TRAP1: variants seen among roughly 807,000 people sequenced by gnomAD.
TRAP1 encodes TNF receptor associated protein 1, also known as heat shock protein 75 kDa, mitochondrial.
A neutral mutation model predicts 89.1 loss-of-function variants in TRAP1; 102 were observed. That is an observed-to-expected ratio of 1.15 (90% CI 0.98 to 1.35). TRAP1 has a LOEUF of 1.35. Among genes scored for constraint, TRAP1 ranks in the 40% most tolerant of loss-of-function variants. The probability of loss-of-function intolerance (pLI) is 0.00; values close to 1 mark genes in which losing one functional copy is unlikely to be tolerated. For missense variants in TRAP1, 1,256 were observed against 945.3 expected (o/e 1.33, Z -4.31); for synonymous variants, 508 against 388.0 (o/e 1.31, Z -3.64).
rs368934280 is a variant in TRAP1 at position 3,689,508 on chromosome 16, A to G, written c.248-371T>C. On this transcript the variant is annotated intron_variant, in intron 2 of 17. Transcript: ENST00000246957. ...ATTGGCCCGCCTCGGCCTCCCACACATTTAAGATCATGAACAAAAAGAAAG... is the reference window on the plus strand; with the variant it reads ...ATTGGCCCGCCTCGGCCTCCCACACGTTTAAGATCATGAACAAAAAGAAAG... Among the ~76,000 whole-genome samples, 28 of 152,168 alleles carry G rather than the reference A, an allele frequency of 1.8e-4. No individual in the cohort carries two copies. In the South Asian group the frequency reaches 5.4e-3, roughly 29 times the overall value.
At chr16:3,702,358 G>C (rs1639151) in intron 1 of TRAP1, among the ~76,000 whole-genome samples, 7,589 of 151,842 alleles carry the variant, frequency 0.05, 780 homozygotes, top group African/African-American at 0.17. Context: ...CGAGGTACAA[G>C]GTGAGAGCCA....
chr16:3,683,526 C>T (rs1026814290), intron 4 of TRAP1, among the ~76,000 whole-genome samples: 4 of 151,718 alleles, frequency 2.6e-5, no homozygotes, highest in Admixed American at 6.6e-5. Flanking sequence ...GCTGGGATTA[C>T]AGGTGCACAC....
At chr16:3,686,706 C>A (rs987484983) in intron 3 of TRAP1, among the ~76,000 whole-genome samples, 2 of 152,074 alleles carry the variant, frequency 1.3e-5, no homozygotes, top group African/African-American at 4.8e-5. Flanking sequence ...GTTGGGGGCT[C>A]ATGCTTGTAA....
chr16:3,708,010 C>G (rs549843444), intron 1 of TRAP1, among the ~76,000 whole-genome samples: 5 of 151,818 alleles, frequency 3.3e-5, no homozygotes, highest in African/African-American at 9.7e-5. Flanking sequence ...TATAGTGGGA[C>G]CCCATCTCTA....
At chr16:3,661,665 A>G in intron 16 of TRAP1, 1 of 293,920 alleles carries the variant, frequency 3.4e-6, no homozygotes, top group Non-Finnish European at 6.3e-6. Flanking sequence ...GCAAACACCA[A>G]GATCCACGTA....
rs1304917141 is a variant in TRAP1, at chr16:3,677,651, A to T, written c.551T>A (p.Leu184Gln). Residue 184 changes from leucine to glutamine, a missense_variant, in exon 6 of 18, where the codon CTG becomes CAG. Transcript: ENST00000246957. Reference sequence around the variant, plus strand: ...CTCAGCCTGGTTCTGCAGAGCATCCAGGAAGGCCTGTGGGGCAGAGGCCAG... The same window carrying T: ...CTCAGCCTGGTTCTGCAGAGCATCCTGGAAGGCCTGTGGGGCAGAGGCCAG... The part of the protein sequence containing the change: ...TIARSGSKAF[L>Q]DALQNQAEAS... 6.2e-7 allele frequency: 1 copy of T among 1,613,762 alleles called. No homozygotes were observed. The highest frequency in any genetic ancestry group is 1.7e-5 in the Admixed American group (1 of 60,014).
intron 12 of TRAP1, 124 bp from the exon 13 acceptor site, chr16:3,664,583 G>A (rs1253606264): frequency 8.4e-6 from 9 of 1,075,340 alleles, no homozygotes; most frequent in Admixed American, 2.9e-5. Flanking sequence ...CCTGACCCGA[G>A]GGACGGTAGT....
chr16:3,670,266 C>T (rs2050893921), intron 11 of TRAP1, among the ~76,000 whole-genome samples: 1 of 150,806 alleles, frequency 6.6e-6, no homozygotes, highest in Admixed American at 6.7e-5. Flanking sequence ...CCTGTAGTCC[C>T]AGCTGAGACG....
chr16:3,669,781 C>T (rs1441063949), intron 11 of TRAP1, among the ~76,000 whole-genome samples: 6 of 139,510 alleles, frequency 4.3e-5, no homozygotes, highest in African/African-American at 1.6e-4. Flanking sequence ...TGCAGTGAGC[C>T]GAGATCGTGC....
At chr16:3,703,864 A>G (rs1445006237) in intron 1 of TRAP1, among the ~76,000 whole-genome samples, 2 of 151,568 alleles carry the variant, frequency 1.3e-5, no homozygotes, top group South Asian at 4.2e-4. Flanking sequence ...AAATACAAAA[A>G]ATTAGCCGGG....
At chr16:3,671,585 C>A in intron 11 of TRAP1, 137 bp downstream of exon 11, 1 of 841,774 alleles carries the variant, frequency 1.2e-6, no homozygotes, top group Non-Finnish European at 1.9e-6. Context: ...CTCCTGAGGG[C>A]CCCCATGTGC....
At chr16:3,671,677 G>A in intron 11 of TRAP1, 45 bp downstream of exon 11, 3 of 1,596,176 alleles carry the variant, frequency 1.9e-6, no homozygotes, top group South Asian at 1.1e-5. Flanking sequence ...AGCAGGTAGG[G>A]GCCTTGTCCC....
At chr16:3,681,450 A>T (rs2051072213) in intron 4 of TRAP1, among the ~76,000 whole-genome samples, 1 of 151,980 alleles carries the variant, frequency 6.6e-6, no homozygotes, top group African/African-American at 2.4e-5. Context: ...AAACCACATC[A>T]CCACCAGTTA....
intron 1 of TRAP1, among the ~76,000 whole-genome samples, chr16:3,709,948 C>G (rs544862706): frequency 3.8e-4 from 58 of 152,300 alleles, no homozygotes; most frequent in African/African-American, 1.3e-3. Flanking sequence ...CCGCGCCTGG[C>G]GAGAAGATTC....
At chr16:3,675,442 T>C (rs1253635618) in intron 7 of TRAP1, 45 bp from the exon 8 acceptor site, 1 of 1,590,556 alleles carries the variant, frequency 6.3e-7, no homozygotes, top group Non-Finnish European at 8.6e-7. Context: ...ACAATGCTTG[T>C]GGAAACGCAA....
chr16:3,661,801 G>GT, intron 16 of TRAP1, 186 bp downstream of exon 16: 2 of 660,928 alleles, frequency 3.0e-6, no homozygotes, highest in Non-Finnish European at 4.5e-6. Flanking sequence ...CCTGGGGATG[G>GT]TAAGGGGCTG....
At chr16:3,707,474 C>T (rs925868942) in intron 1 of TRAP1, among the ~76,000 whole-genome samples, 6 of 151,464 alleles carry the variant, frequency 4.0e-5, no homozygotes, top group East Asian at 3.9e-4. Flanking sequence ...CGTGAGCCAC[C>T]GCGCCCGGCC....
intron 5 of TRAP1, among the ~76,000 whole-genome samples, chr16:3,678,919 G>A (rs1469686660): frequency 3.3e-5 from 5 of 152,140 alleles, no homozygotes; most frequent in Non-Finnish European, 7.3e-5. Context: ...GAGCCTTGTG[G>A]GCTTGACGCA....
intron 16 of TRAP1, chr16:3,659,506 GA>G (rs2042940045): frequency 6.6e-6 from 1 of 152,148 alleles, no homozygotes; most frequent in South Asian, 2.1e-4. Context: ...AAGAATGATT[GA>G]CATATTTGAC....
Sources: allele counts gnomAD v4.1 joint callset (sites outside exome capture counted in the v4.1 genomes callset), GRCh38; gene constraint gnomAD v4.1.1; transcripts MANE v1.5; gene names NCBI Gene and HGNC (gene_info 2026-07-23, HGNC 2026-07-21).